The following STK32B variants were observed in gnomAD, a reference collection of about 807,000 sequenced individuals.
The protein encoded by STK32B is serine/threonine kinase 32B, also known as serine/threonine-protein kinase 32B.
STK32B carries 43 observed loss-of-function variants against 52.6 expected under a neutral mutation model. The ratio of observed to expected loss-of-function variants is 0.82; its 90% CI spans 0.64 to 1.05. The LOEUF (loss-of-function observed/expected upper bound fraction) is 1.05, where lower values mean the gene tolerates loss of function less well. Among genes scored for constraint, STK32B ranks in the 50% least tolerant of loss-of-function variants. The probability of loss-of-function intolerance (pLI) is 0.00; values close to 1 mark genes in which losing one functional copy is unlikely to be tolerated. For missense variants in STK32B, 621 were observed against 534.6 expected, an observed-to-expected ratio of 1.16 and a Z score of -1.59; for synonymous variants, 238 against 204.3, an observed-to-expected ratio of 1.17 and a Z score of -1.41.
intron 1 of STK32B, among the ~76,000 whole-genome samples, chr4:5,102,954 T>C: frequency 8.0e-6 from 1 of 124,552 alleles, no homozygotes; most frequent in Non-Finnish European, 1.7e-5. Flanking sequence ...CCTCCTCTCC[T>C]TTTTGCCCCT....
At chr4:5,182,331 A>G (rs1002212912) in intron 3 of STK32B, among the ~76,000 whole-genome samples, 2 of 152,152 alleles carry the variant, frequency 1.3e-5, no homozygotes, top group Admixed American at 6.6e-5. Flanking sequence ...CCGCCCATGA[A>G]TCACAGATGT....
chr4:5,397,408 G>A (rs955462809), intron 4 of STK32B, among the ~76,000 whole-genome samples: 2 of 152,180 alleles, frequency 1.3e-5, no homozygotes, highest in Admixed American at 6.5e-5. Flanking sequence ...GCATGTGGAC[G>A]TAAAGAAAGC....
intron 6 of STK32B, among the ~76,000 whole-genome samples, chr4:5,445,137 T>C (rs1010134263): frequency 2.0e-5 from 3 of 152,140 alleles, no homozygotes; most frequent in Non-Finnish European, 4.4e-5. Context: ...CCGGAGGCTG[T>C]TGTGAAGAGG....
At chr4:5,210,473 C>T (rs1722841161) in intron 3 of STK32B, among the ~76,000 whole-genome samples, 1 of 152,116 alleles carries the variant, frequency 6.6e-6, no homozygotes, top group Non-Finnish European at 1.5e-5. Flanking sequence ...ATTCATTTTC[C>T]TTGAAGACTT....
At chr4:5,144,906 G>T (rs189875975) in intron 2 of STK32B, among the ~76,000 whole-genome samples, 1 of 152,150 alleles carries the variant, frequency 6.6e-6, no homozygotes, top group South Asian at 2.1e-4. Flanking sequence ...CAGATATGGT[G>T]CCTGCCTTTG....
chr4:5,247,182 A>AGAGGCAG (rs1184875264), intron 3 of STK32B, among the ~76,000 whole-genome samples: 1 of 152,244 alleles, frequency 6.6e-6, no homozygotes, highest in African/African-American at 2.4e-5. Flanking sequence ...TGGAGCCTAC[A>AGAGGCAG]GAGGCAGGCA....
intron 5 of STK32B, among the ~76,000 whole-genome samples, chr4:5,401,833 G>A (rs1482911825): frequency 3.3e-5 from 5 of 152,186 alleles, no homozygotes; most frequent in Admixed American, 1.3e-4. Context: ...AAAACATCCC[G>A]TTAGCTCACA....
chr4:5,435,052 G>A (rs150450443), intron 6 of STK32B, among the ~76,000 whole-genome samples: 1 of 152,280 alleles, frequency 6.6e-6, no homozygotes, highest in East Asian at 1.9e-4. Flanking sequence ...GGTGCTTCAA[G>A]GATGGGAAGA....
chr4:5,232,391 T>C (rs1724333464), intron 3 of STK32B, among the ~76,000 whole-genome samples: 1 of 152,240 alleles, frequency 6.6e-6, no homozygotes, highest in African/African-American at 2.4e-5. Flanking sequence ...ATCTGCACTT[T>C]CAACTCTACC....
rs375317291 is a variant in STK32B, at chr4:5,496,509, C to T, written c.1107-2436C>T. On this transcript the variant is annotated intron_variant, in intron 11 of 11. Coordinates refer to ENST00000282908, the MANE Select transcript of STK32B (RefSeq NM_018401.3). The stretch of plus-strand genomic sequence containing the variant: ...TTTCTTTGACTAGGAAAGGGAACTC[C>T]CTGACCCCTTGCGCTTCCCGAGTGA... Among the ~76,000 whole-genome samples, 41 of 150,626 alleles carry T rather than the reference C, an allele frequency of 2.7e-4. No individual in the cohort carries two copies. The East Asian group carries it at 2.9e-3, about 11-fold the overall frequency.
At chr4:5,102,007 T>A (rs535056376) in intron 1 of STK32B, among the ~76,000 whole-genome samples, 13 of 152,196 alleles carry the variant, frequency 8.5e-5, no homozygotes, top group Admixed American at 2.0e-4. Context: ...TCCTCTTCTG[T>A]TCTCACTTGT....
At position 5,484,205 on chromosome 4, in the gene STK32B, A is replaced by T. The variant is rs750023961; in HGVS notation, c.1107-14740A>T. On this transcript the variant is annotated intron_variant, in intron 11 of 11. Transcript: ENST00000282908. ...CAGTGGGGTGTTAAAGTCTCCCATT[A>T]TTATTGTGTTGGTGTCTCAGTCTCT... Among the ~76,000 whole-genome samples, 3 of 152,238 alleles carry T rather than the reference A, an allele frequency of 2.0e-5. No homozygotes were observed. The East Asian group carries it at 5.8e-4, about 29-fold the overall frequency.
At position 5,398,391 on chromosome 4, in the gene STK32B, C is replaced by T; in HGVS notation, c.472+147C>T. 1 of 819,078 alleles carries T rather than the reference C, an allele frequency of 1.2e-6. No homozygotes were observed. The highest frequency in any genetic ancestry group is 1.7e-5 in the South Asian group (1 of 58,424). The allele number at this position is 819,078 out of a possible 1,614,324, so 50.7% of individuals were successfully genotyped here. A position where few individuals can be genotyped will look rare whatever the true frequency, so the allele number is the denominator to read the frequency against. On this transcript the variant is annotated intron_variant, in intron 5 of 11. Coordinates refer to ENST00000282908, the MANE Select transcript of STK32B (RefSeq NM_018401.3). The surrounding 1 kb of genome is among the most constrained non-coding windows in gnomAD (Gnocchi z 4.9). ...TCTTGTTTCAATCCTGGTGGATCAA[C>T]ATCTGTGTAAATTTCTGGTCCATGT...
chr4:5,294,597 C>A lies in STK32B; in HGVS notation c.261-36623C>A, dbSNP rs28872228. Among the ~76,000 whole-genome samples, 118 of 152,098 alleles carry A rather than the reference C, an allele frequency of 7.8e-4. 1 individual carries two copies. The highest frequency in any genetic ancestry group is 2.6e-3 in the African/African-American group (110 of 41,530). ...TTTGTCTGTTATTTGTGTATAGGAA[C>A]GCTTGTAATTTTTCCCATTGATTTT... On this transcript the variant is annotated intron_variant, in intron 3 of 11. Transcript: ENST00000282908.
chr4:5,103,020 C>T (rs886611535), intron 1 of STK32B, among the ~76,000 whole-genome samples: 13 of 148,580 alleles, frequency 8.7e-5, no homozygotes, highest in African/African-American at 3.2e-4. Context: ...CTTTGACCAG[C>T]TCATAGGAGT....
At chr4:5,232,350 T>C (rs1379291807) in intron 3 of STK32B, among the ~76,000 whole-genome samples, 1 of 152,200 alleles carries the variant, frequency 6.6e-6, no homozygotes. Context: ...TTTAGAAATA[T>C]GTGTAATAAC....
At chr4:5,340,155 C>T (rs1390180588) in intron 4 of STK32B, among the ~76,000 whole-genome samples, 3 of 152,120 alleles carry the variant, frequency 2.0e-5, no homozygotes, top group East Asian at 1.9e-4. Context: ...GGCTGTGTAC[C>T]AGCTCCTGGG....
chr4:5,220,503 G>A (rs928844385), intron 3 of STK32B, among the ~76,000 whole-genome samples: 6 of 152,170 alleles, frequency 3.9e-5, no homozygotes, highest in African/African-American at 1.4e-4. Context: ...CAGGTGTCCA[G>A]GTTATAAAGA....
intron 3 of STK32B, among the ~76,000 whole-genome samples, chr4:5,187,787 C>G (rs898533083): frequency 6.6e-6 from 1 of 152,170 alleles, no homozygotes; most frequent in Non-Finnish European, 1.5e-5. Context: ...ACAACTCTGC[C>G]AGACTCAGAT....
Sources: allele counts gnomAD v4.1 joint callset (sites outside exome capture counted in the v4.1 genomes callset), GRCh38; gene constraint gnomAD v4.1.1; non-coding constraint Gnocchi (gnomAD v3.1); transcripts MANE v1.5; gene names NCBI Gene and HGNC (gene_info 2026-07-23, HGNC 2026-07-21).